Variants in DDHD1 observed in about 807,000 individuals in gnomAD.
DDHD1 encodes DDHD domain containing 1.
Under a neutral mutation model 96.4 loss-of-function variants are expected in DDHD1, and 49 were observed. The observed-to-expected ratio is 0.51, with a 90% CI of 0.40 to 0.64. The LOEUF (loss-of-function observed/expected upper bound fraction) is 0.64. Ranked by LOEUF, DDHD1 falls within the 30% of genes least tolerant of loss-of-function variation. The pLI, the probability that DDHD1 is intolerant of heterozygous loss-of-function variation, is 0.00. For missense variants in DDHD1, 1,106 were observed against 1,161.2 expected (o/e 0.95, Z 0.69); for synonymous variants, 442 against 446.5 (o/e 0.99, Z 0.13).
chr14:53,047,349 C>T (rs1478297188), intron 12 of DDHD1, among the ~76,000 whole-genome samples: 1 of 152,180 alleles, frequency 6.6e-6, no homozygotes, highest in Non-Finnish European at 1.5e-5. Flanking sequence ...CAATGATGCC[C>T]GTGGGAGTGC....
chr14:53,094,155 C>G (rs760955692), intron 2 of DDHD1, among the ~76,000 whole-genome samples: 6 of 150,796 alleles, frequency 4.0e-5, no homozygotes, highest in African/African-American at 7.3e-5. Context: ...CCCGCCTGGG[C>G]TACAGAGCAA....
intron 4 of DDHD1, among the ~76,000 whole-genome samples, chr14:53,079,587 T>C (rs1885277328): frequency 6.6e-6 from 1 of 152,230 alleles, no homozygotes; most frequent in Non-Finnish European, 1.5e-5. Flanking sequence ...CCTTTTTATT[T>C]CTGTAAGTTT....
At chr14:53,113,561 A>T (rs1203955133) in intron 1 of DDHD1, among the ~76,000 whole-genome samples, 6 of 152,072 alleles carry the variant, frequency 3.9e-5, no homozygotes, top group Non-Finnish European at 8.8e-5. Context: ...CGTTCATTTC[A>T]TTGGAAAAAT....
intron 8 of DDHD1, among the ~76,000 whole-genome samples, chr14:53,060,904 AT>A (rs1260820574): frequency 1.3e-5 from 2 of 152,220 alleles, no homozygotes; most frequent in African/African-American, 4.8e-5. Flanking sequence ...TGATAATAGC[AT>A]CAATAATACT....
At chr14:53,112,145 G>A (rs985384507) in intron 1 of DDHD1, among the ~76,000 whole-genome samples, 3 of 152,094 alleles carry the variant, frequency 2.0e-5, no homozygotes, top group African/African-American at 7.2e-5. Flanking sequence ...GGCCTGGCGT[G>A]GTGGCTCACA....
intron 1 of DDHD1, among the ~76,000 whole-genome samples, chr14:53,105,941 TTCTC>T (rs140253551): frequency 4.0e-4 from 60 of 151,462 alleles, no homozygotes; most frequent in African/African-American, 1.4e-3. Context: ...GTTCCAGTGG[TTCTC>T]TCTCTCTCTC....
chr14:53,100,060 A>G (rs1024691635), intron 2 of DDHD1, among the ~76,000 whole-genome samples: 7 of 152,126 alleles, frequency 4.6e-5, no homozygotes, highest in African/African-American at 1.7e-4. Flanking sequence ...ATATGTGGGG[A>G]AAAAAACAAT....
At chr14:53,138,488 T>C (rs1468052368) in intron 1 of DDHD1, among the ~76,000 whole-genome samples, 1 of 152,198 alleles carries the variant, frequency 6.6e-6, no homozygotes, top group African/African-American at 2.4e-5. Context: ...TATTTTGGTG[T>C]TTATAACAAA....
chr14:53,052,350 C>T (rs900727179), intron 11 of DDHD1, among the ~76,000 whole-genome samples: 2 of 152,016 alleles, frequency 1.3e-5, no homozygotes, highest in Non-Finnish European at 2.9e-5. Context: ...ACAGACAGAT[C>T]ATGAATTCTA....
intron 2 of DDHD1, chr14:53,103,015 G>C: frequency 5.1e-6 from 8 of 1,561,500 alleles, no homozygotes; most frequent in Non-Finnish European, 7.0e-6. Flanking sequence ...TAATCTACCT[G>C]TACAGTTATA....
At chr14:53,119,217 TG>T (rs1330420017) in intron 1 of DDHD1, among the ~76,000 whole-genome samples, 2 of 152,086 alleles carry the variant, frequency 1.3e-5, no homozygotes, top group African/African-American at 2.4e-5. Flanking sequence ...ACATGACAAA[TG>T]GTAAAGACCA....
Position 53,054,589 on chromosome 14 carries a change from G to T in DDHD1, c.2286C>A (p.Phe762Leu). The change falls in exon 11 of 13, where the codon TTC (phenylalanine) becomes TTA (leucine). Residue 762 changes from phenylalanine to leucine, a missense_variant. This residue lies in a region of DDHD1 where 650 missense variants were observed against 758.8 expected (regional missense o/e 0.86). Transcript: ENST00000673822. Reference sequence around the variant, plus strand: ...TTGTAGATGAACGTCCAAATCTTGAGAACAACATTCCTCCAAGTCCCTTTC... The same window carrying T: ...TTGTAGATGAACGTCCAAATCTTGATAACAACATTCCTCCAAGTCCCTTTC... ...SIGKGLGGMLFSRFGRSSTTQ... is the reference protein window; with the variant it reads ...SIGKGLGGMLLSRFGRSSTTQ... 6.2e-7 allele frequency: 1 copy of T among 1,613,998 alleles called. No homozygotes were observed. The highest frequency in any genetic ancestry group is 8.5e-7 in the Non-Finnish European group (1 of 1,179,942).
chr14:53,101,078 T>C (rs1345397113), intron 2 of DDHD1, among the ~76,000 whole-genome samples: 1 of 152,162 alleles, frequency 6.6e-6, no homozygotes, highest in Non-Finnish European at 1.5e-5. Flanking sequence ...ATATGAATAG[T>C]CAAGGCTTTA....
Position 53,152,544 on chromosome 14 carries a change from G to C in DDHD1, c.555C>G (p.Tyr185Ter). Residue 185 changes from tyrosine to a stop codon, truncating the protein, a stop_gained, in exon 1 of 13, where the codon TAC becomes TAG. Transcript: ENST00000673822. LOFTEE classifies it high-confidence loss of function. The stretch of plus-strand genomic sequence containing the variant: ...AGGCGAGCTCGATGCGGAGCGAGTC[G>C]TAGCCGATGAAGGGCTTCCAGGTCT... ...DKKTWKPFIG[Y>*]DSLRIELAFR... 1 of 1,613,262 alleles carries C rather than the reference G, an allele frequency of 6.2e-7. No homozygotes were observed. The highest frequency in any genetic ancestry group is 8.5e-7 in the Non-Finnish European group (1 of 1,179,922).
At position 53,044,107 on chromosome 14, in the gene DDHD1, A is replaced by G. The variant is rs990214279; in HGVS notation, c.*2661T>C. The G allele has an allele frequency of 2.0e-5, 3 of 152,212 alleles. No individual in the cohort carries two copies. The highest frequency in any genetic ancestry group is 6.5e-5 in the Admixed American group (1 of 15,274). 9.4% of individuals were successfully genotyped at this position (152,212 alleles called of 1,614,324 possible). On this transcript the variant is annotated 3_prime_UTR_variant, in exon 13 of 13. Transcript: ENST00000673822. ...AGAATGACACACAGTCTGTATATTA[A>G]TTAAGTATATACAAATACATCCAAT...
rs539071638 is a variant in DDHD1 at position 53,153,116 on chromosome 14, G to T, written c.-18C>A. 10 of 1,376,282 alleles carry T rather than the reference G, an allele frequency of 7.3e-6. No individual in the cohort carries two copies. The highest frequency in any genetic ancestry group is 9.3e-6 in the Non-Finnish European group (10 of 1,076,084). The allele number at this position is 1,376,282 out of a possible 1,614,324, so 85.3% of individuals were successfully genotyped here. The stretch of plus-strand genomic sequence containing the variant: ...TAATTCATGCTGTGGAGACGCCGCC[G>T]GCTGTCCGGCGGCGCGCGGAGCCGT... On this transcript the variant is annotated 5_prime_UTR_variant, in exon 1 of 13. Coordinates refer to ENST00000673822, the MANE Select transcript of DDHD1 (RefSeq NM_001160148.2).
intron 1 of DDHD1, among the ~76,000 whole-genome samples, chr14:53,119,159 G>A (rs1191396835): frequency 2.0e-5 from 3 of 152,080 alleles, no homozygotes; most frequent in Non-Finnish European, 2.9e-5. Context: ...AGCTCCTGAA[G>A]GAAGCACTAA....
chr14:53,089,813 C>A (rs1011759315), intron 4 of DDHD1, among the ~76,000 whole-genome samples: 1 of 152,040 alleles, frequency 6.6e-6, no homozygotes, highest in African/African-American at 2.4e-5. Context: ...GTCTAAAACA[C>A]CAAAGACTTC....
At position 53,062,954 on chromosome 14, in the gene DDHD1, T is replaced by TA. The variant is rs760208786; in HGVS notation, c.1754dup (p.Thr586AsnfsTer2). ...TGAGGATATTTTACCGTCGTTTAGT[T>TA]ATATAGAGTTCATCAAGAAGATGTC... On this transcript the variant is annotated frameshift_variant, in exon 7 of 13. Transcript: ENST00000673822. LOFTEE classifies it high-confidence loss of function. The TA allele has an allele frequency of 4.2e-5, 68 of 1,613,842 alleles. No homozygotes were observed. The highest frequency in any genetic ancestry group is 5.5e-5 in the Non-Finnish European group (65 of 1,179,960).
Sources: allele counts gnomAD v4.1 joint callset (sites outside exome capture counted in the v4.1 genomes callset), GRCh38; gene constraint gnomAD v4.1.1; regional missense constraint gnomAD v4.1.1; transcripts MANE v1.5; gene names NCBI Gene and HGNC (gene_info 2026-07-23, HGNC 2026-07-21).